The following C9orf78 variants were observed in gnomAD, a reference collection of about 807,000 sequenced individuals.
C9orf78 encodes chromosome 9 open reading frame 78.
In C9orf78, 19 loss-of-function variants were observed where a neutral mutation model predicts 37.4. The observed-to-expected ratio is 0.51, with a 90% CI of 0.35 to 0.74. The LOEUF is 0.74. C9orf78 is among the 30% of genes least tolerant of loss of function. The pLI is 0.01. For missense variants in C9orf78, 291 were observed against 370.8 expected, an observed-to-expected ratio of 0.78 and a Z score of 1.77; for synonymous variants, 130 against 128.0, an observed-to-expected ratio of 1.02 and a Z score of -0.10.
At chr9:129,834,474 C>A in intron 2 of C9orf78, 1 of 465,372 alleles carries the variant, frequency 2.1e-6, no homozygotes, top group Non-Finnish European at 3.8e-6. Context: ...TAATAAAAAA[C>A]GCGAGTTAGT....
intron 6 of C9orf78, 107 bp from the exon 7 acceptor site, chr9:129,829,648 C>T: frequency 3.2e-6 from 3 of 929,764 alleles, no homozygotes; most frequent in Non-Finnish European, 5.0e-6. Context: ...ATCATGTGTC[C>T]TGGGGCACAG....
intron 7 of C9orf78, 35 bp from the exon 8 acceptor site, chr9:129,829,338 A>G (rs2031430167): frequency 6.2e-7 from 1 of 1,602,496 alleles, no homozygotes; most frequent in Non-Finnish European, 8.5e-7. Context: ...ACGTTAGAAC[A>G]TGAGGTTCCT....
In C9orf78 at chr9:129,833,492, C is replaced by T; in HGVS notation, c.221G>A (p.Gly74Asp). The T allele has an allele frequency of 6.2e-7, 1 of 1,605,574 alleles. No homozygotes were observed. The highest frequency in any genetic ancestry group is 8.5e-7 in the Non-Finnish European group (1 of 1,172,218). ...LVDDPFQMKT[G>D]GMVDMKKLKE... ...CAGTTTCTTCATATCCACCATACCACCTGTCTTCATCTGAAAGGGATCATC... is the reference window on the plus strand; with the variant it reads ...CAGTTTCTTCATATCCACCATACCATCTGTCTTCATCTGAAAGGGATCATC... The change falls in exon 4 of 9, where the codon GGT becomes GAT. Residue 74 changes from glycine to aspartate, a missense_variant. Gly to Asp is a moderately conservative substitution (Grantham distance 94). Transcript: ENST00000372447.
rs750341360 is a variant in C9orf78, at chr9:129,835,204, C to T, written c.18G>A (p.Lys6=). 3.7e-6 allele frequency: 6 copies of T among 1,610,674 alleles called. No individual in the cohort carries two copies. In the East Asian group the frequency reaches 9.0e-5, roughly 24 times the overall value. ...AGTCGCCCCGGCGGCGACGGAAAAT[C>T]TTCCGGACGACCGGCATGGTGACAA... The part of the protein sequence containing the change: MPVVR[K]IFRRRRGDSE... Residue 6 remains lysine (K), a synonymous_variant, in exon 1 of 9, where the codon AAG becomes AAA. Coordinates refer to ENST00000372447, the MANE Select transcript of C9orf78 (RefSeq NM_016520.3).
chr9:129,833,574 TTTTTTTTGTGAA>T, intron 3 of C9orf78, 57 bp from the exon 4 acceptor site: 1 of 1,500,850 alleles, frequency 6.7e-7, no homozygotes, highest in Non-Finnish European at 9.3e-7. Context: ...AGTGGAATTT[TTTTTTTTGTGAA>T]GCACGCTCAC....
At chr9:129,834,647 C>A in intron 2 of C9orf78, 60 bp downstream of exon 2, 1 of 1,213,440 alleles carries the variant, frequency 8.2e-7, no homozygotes, top group Non-Finnish European at 1.2e-6. Context: ...TGACAGCGAC[C>A]CGGACGCGGA....
Position 129,828,135 on chromosome 9 carries a change from G to T in C9orf78, c.*26C>A. The T allele has an allele frequency of 1.5e-6, 2 of 1,330,850 alleles. No individual in the cohort carries two copies. The highest frequency in any genetic ancestry group is 2.2e-6 in the Non-Finnish European group (2 of 925,860). 82.4% of individuals were successfully genotyped at this position (1,330,850 alleles called of 1,614,324 possible). ...GGGAGGGATATAGGGAGAGGAAGGC[G>T]ATATTTACATCCCACTCTGCACAAC... On this transcript the variant is annotated 3_prime_UTR_variant, in exon 9 of 9. Transcript: ENST00000372447.
chr9:129,829,597 A>T, intron 6 of C9orf78, 56 bp from the exon 7 acceptor site: 3 of 1,508,146 alleles, frequency 2.0e-6, no homozygotes, highest in Non-Finnish European at 2.7e-6. Context: ...TACTACTCAG[A>T]CATGAGTGGT....
chr9:129,833,007 G>A (rs2031542913), intron 4 of C9orf78, among the ~76,000 whole-genome samples: 1 of 143,230 alleles, frequency 7.0e-6, no homozygotes, highest in African/African-American at 2.5e-5. Context: ...ATGTGTGTGT[G>A]TGTGTGTGTA....
intron 8 of C9orf78, chr9:129,828,988 C>CA (rs1312939905): frequency 2.1e-5 from 13 of 633,550 alleles, no homozygotes; most frequent in Non-Finnish European, 3.1e-5. Flanking sequence ...TATGAATTCT[C>CA]AGAGTAATCC....
At chr9:129,829,052 G>C (rs1273608540) in intron 8 of C9orf78, 153 bp downstream of exon 8, 1 of 705,432 alleles carries the variant, frequency 1.4e-6, no homozygotes, top group Admixed American at 2.0e-5. Context: ...TTAGAAAGGG[G>C]AAGGCACATA....
chr9:129,831,891 C>T lies in C9orf78; in HGVS notation c.344+5G>A. ...CTGCTCACAGCCAAACAGACTGACA[C>T]TTACATGTCTGCATCCTCATCCCTT... On this transcript the variant is annotated splice_donor_5th_base_variant and intron_variant, in intron 5 of 8. Coordinates refer to ENST00000372447, the MANE Select transcript of C9orf78 (RefSeq NM_016520.3). 1 of 1,501,092 alleles carries T rather than the reference C, an allele frequency of 6.7e-7. No homozygotes were observed. Among genetic ancestry groups the T allele is most frequent in the Non-Finnish European group, 9.3e-7 (1 of 1,076,864 alleles). 93.0% of individuals were successfully genotyped at this position (1,501,092 alleles called of 1,614,324 possible).
chr9:129,829,675 G>A, intron 6 of C9orf78, 134 bp from the exon 7 acceptor site: 1 of 730,020 alleles, frequency 1.4e-6, no homozygotes, highest in Non-Finnish European at 2.3e-6. Context: ...ACTTTATCAA[G>A]CACACTTGTA....
chr9:129,828,405 A>C, intron 8 of C9orf78, 153 bp from the exon 9 acceptor site: 1 of 449,222 alleles, frequency 2.2e-6, no homozygotes, highest in Non-Finnish European at 3.8e-6. Context: ...GTAGATACGT[A>C]TTTGTCTTTT....
Position 129,828,255 on chromosome 9 carries a change from G to A in C9orf78, c.779-3C>T. On this transcript the variant is annotated splice_polypyrimidine_tract_variant and splice_region_variant and intron_variant, in intron 8 of 8. Transcript: ENST00000372447. ...ACGCTTGCGGTTAGGAGGGGACCCT[G>A]AGAAGGAAAAGAACAGGAAAGGTGG... The A allele has an allele frequency of 1.3e-6, 2 of 1,573,940 alleles. No individual in the cohort carries two copies. Among genetic ancestry groups the A allele is most frequent in the South Asian group, 1.1e-5 (1 of 90,294 alleles).
chr9:129,832,090 C>CA (rs61391213), intron 4 of C9orf78, 117 bp from the exon 5 acceptor site: 14,676 of 448,022 alleles, frequency 0.033, 197 homozygotes, highest in African/African-American at 0.11. Flanking sequence ...TTACAGTTGG[C>CA]AAAAAAAAAA....
Position 129,835,085 on chromosome 9 carries a change from C to T in C9orf78, c.83+54G>A, listed in dbSNP as rs1051122480. 4.5e-6 allele frequency: 6 copies of T among 1,344,070 alleles called. No individual in the cohort carries two copies. In the African/African-American group the frequency reaches 5.8e-5, roughly 13 times the overall value. The allele number at this position is 1,344,070 out of a possible 1,614,324, so 83.3% of individuals were successfully genotyped here. On this transcript the variant is annotated intron_variant, in intron 1 of 8. Transcript: ENST00000372447. ...GCGAAGCGCCGAGCCGGTGGTGAGT[C>T]CCCCAAACAAGTCTATCTTTACCAA...
chr9:129,829,649 T>C, intron 6 of C9orf78, 108 bp from the exon 7 acceptor site: 18 of 910,178 alleles, frequency 2.0e-5, no homozygotes, highest in Non-Finnish European at 2.4e-5. Context: ...TCATGTGTCC[T>C]GGGGCACAGC....
Position 129,833,455 on chromosome 9 carries a change from G to C in C9orf78, c.258C>G (p.Gly86=), listed in dbSNP as rs774134556. ...MVDMKKLKER[G]KDKISEEEDL... is the part of the protein sequence containing the mutation. Reference sequence around the variant, plus strand: ...GCTTGTCCTGAACTTACTTATCTTTGCCCCTTTCCTTCAGTTTCTTCATAT... The same window carrying C: ...GCTTGTCCTGAACTTACTTATCTTTCCCCCTTTCCTTCAGTTTCTTCATAT... Residue 86 remains glycine (G), a synonymous_variant, in exon 4 of 9, where the codon GGC becomes GGG. Transcript: ENST00000372447. 6.3e-7 allele frequency: 1 copy of C among 1,587,716 alleles called. No individual in the cohort carries two copies.
Sources: gnomAD v4.1 joint callset for allele counts (sites outside exome capture counted in the v4.1 genomes callset) on GRCh38, gnomAD v4.1.1 for gene constraint, MANE v1.5 for transcripts, NCBI Gene and HGNC (gene_info 2026-07-23, HGNC 2026-07-21) for gene names.